SORCS1: variants seen among roughly 807,000 people sequenced by gnomAD.
SORCS1 encodes VPS10 domain-containing receptor SorCS1.
A neutral mutation model predicts 146.1 loss-of-function variants in SORCS1; 60 were observed. The observed-to-expected ratio is 0.41, with a 90% CI of 0.33 to 0.51. SORCS1 has a LOEUF of 0.51. SORCS1 is among the 20% of genes least tolerant of loss of function. The probability of loss-of-function intolerance (pLI) is 0.21; values close to 1 mark genes in which losing one functional copy is unlikely to be tolerated. For missense variants in SORCS1, 1,352 were observed against 1,487.6 expected (o/e 0.91, Z 1.50); for synonymous variants, 637 against 584.0 (o/e 1.09, Z -1.31).
intron 23 of SORCS1, among the ~76,000 whole-genome samples, chr10:106,604,012 C>T (rs1177992336): frequency 6.6e-6 from 1 of 152,120 alleles, no homozygotes; most frequent in African/African-American, 2.4e-5. Flanking sequence ...CTGCAACTCT[C>T]GCTGGTGCAA....
chr10:106,656,987 T>C (rs968984224), intron 17 of SORCS1, among the ~76,000 whole-genome samples: 2 of 152,112 alleles, frequency 1.3e-5, no homozygotes, highest in South Asian at 2.1e-4. Flanking sequence ...AACGCTTATA[T>C]ATGGGGTAGG....
At chr10:106,647,389 T>TACACACACAC (rs3044913) in intron 18 of SORCS1, among the ~76,000 whole-genome samples, 16,150 of 147,248 alleles carry the variant, frequency 0.11, 968 homozygotes, top group Admixed American at 0.18. Flanking sequence ...TTATAAATTT[T>TACACACACAC]ACACACACAC....
In SORCS1 at chr10:107,046,292, G is replaced by C. The variant is rs1959430554; in HGVS notation, c.559-89712C>G. ...TGTCTATTTTGTTCAGGTTGGTCTT[G>C]AACTCCTGGCCTCAAGCAATCCTTC... On this transcript the variant is annotated intron_variant, in intron 1 of 25. Transcript: ENST00000263054. Among the ~76,000 whole-genome samples, 3 of 151,900 alleles carry C rather than the reference G, an allele frequency of 2.0e-5. No individual in the cohort carries two copies. The South Asian group carries it at 6.2e-4, about 32-fold the overall frequency.
intron 1 of SORCS1, among the ~76,000 whole-genome samples, chr10:107,088,540 C>CG (rs1963940600): frequency 6.6e-6 from 1 of 152,122 alleles, no homozygotes; most frequent in Admixed American, 6.5e-5. Flanking sequence ...CAAATGGATA[C>CG]GGCAGGCCAA....
chr10:106,829,965 T>C (rs1948469186), intron 2 of SORCS1, among the ~76,000 whole-genome samples: 1 of 152,224 alleles, frequency 6.6e-6, no homozygotes, highest in Non-Finnish European at 1.5e-5. Context: ...GGGTGTCCCT[T>C]GATTTGACCA....
intron 1 of SORCS1, among the ~76,000 whole-genome samples, chr10:107,056,028 C>T (rs1645239718): frequency 6.6e-6 from 1 of 152,144 alleles, no homozygotes; most frequent in South Asian, 2.1e-4. Flanking sequence ...AATTTCAGAA[C>T]CCAGTAGTTT....
chr10:106,980,833 A>G (rs948836686), intron 1 of SORCS1, among the ~76,000 whole-genome samples: 20 of 152,226 alleles, frequency 1.3e-4, no homozygotes, highest in African/African-American at 4.8e-4. Flanking sequence ...TTATAATGTC[A>G]CATGCTGTCA....
chr10:106,672,581 G>C (rs992743329), intron 15 of SORCS1, among the ~76,000 whole-genome samples: 2 of 152,186 alleles, frequency 1.3e-5, no homozygotes, highest in African/African-American at 4.8e-5. Context: ...GATGAAATAT[G>C]TTTGGATCTG....
chr10:107,176,529 G>T, the SORCS1 span, among the ~76,000 whole-genome samples: 1 of 151,766 alleles, frequency 6.6e-6, no homozygotes, highest in East Asian at 1.9e-4. Flanking sequence ...TAGAGACGGG[G>T]CCCCAGTATG....
chr10:106,819,919 C>T (rs967411062), intron 3 of SORCS1, among the ~76,000 whole-genome samples: 2 of 152,064 alleles, frequency 1.3e-5, no homozygotes, highest in African/African-American at 4.8e-5. Context: ...TTTTCTTCTG[C>T]CCTCTGTCTT....
At chr10:107,083,139 A>AACTGCTTG (rs1002124580) in intron 1 of SORCS1, among the ~76,000 whole-genome samples, 1 of 151,380 alleles carries the variant, frequency 6.6e-6, no homozygotes, top group African/African-American at 2.4e-5. Flanking sequence ...AAAGAAAGTC[A>AACTGCTTG]ACTGCTTGAA....
At chr10:107,131,650 T>C (rs1966875249) in intron 1 of SORCS1, among the ~76,000 whole-genome samples, 1 of 152,072 alleles carries the variant, frequency 6.6e-6, no homozygotes, top group Admixed American at 6.6e-5. Context: ...ACCCGGGAGG[T>C]AGAGGTTACC....
At chr10:106,784,094 G>A (rs1945922701) in intron 3 of SORCS1, among the ~76,000 whole-genome samples, 1 of 152,112 alleles carries the variant, frequency 6.6e-6, no homozygotes, top group Admixed American at 6.5e-5. Flanking sequence ...GGGTCATCTG[G>A]TTTAAAAAAC....
intron 1 of SORCS1, among the ~76,000 whole-genome samples, chr10:106,985,833 A>C (rs1956447475): frequency 6.6e-6 from 1 of 151,942 alleles, no homozygotes; most frequent in South Asian, 2.1e-4. Flanking sequence ...CCGAGCCTGG[A>C]CTCATTTAAG....
At chr10:107,077,058 T>C (rs1260670176) in intron 1 of SORCS1, among the ~76,000 whole-genome samples, 1 of 152,168 alleles carries the variant, frequency 6.6e-6, no homozygotes, top group Non-Finnish European at 1.5e-5. Context: ...AGGGATCTGC[T>C]CTATTTTTTC....
intron 2 of SORCS1, among the ~76,000 whole-genome samples, chr10:106,852,494 G>A (rs893514785): frequency 1.3e-5 from 2 of 151,952 alleles, no homozygotes; most frequent in Non-Finnish European, 2.9e-5. Context: ...TGGGCATGGT[G>A]TTGCACGCCT....
chr10:106,635,100 A>G (rs978584285), intron 18 of SORCS1, among the ~76,000 whole-genome samples: 2 of 152,226 alleles, frequency 1.3e-5, no homozygotes, highest in African/African-American at 4.8e-5. Flanking sequence ...GGCCACCAGG[A>G]AGCCAATATT....
At chr10:106,965,606 ATGAAAT>A (rs987760385) in intron 1 of SORCS1, among the ~76,000 whole-genome samples, 6 of 152,326 alleles carry the variant, frequency 3.9e-5, no homozygotes, top group African/African-American at 1.2e-4. Context: ...TTTTATGATG[ATGAAAT>A]TGAGCCACAG....
At chr10:106,696,524 T>C (rs1853715444) in intron 9 of SORCS1, among the ~76,000 whole-genome samples, 1 of 152,112 alleles carries the variant, frequency 6.6e-6, no homozygotes, top group Admixed American at 6.6e-5. Flanking sequence ...GACTCCTCTC[T>C]CCCAGCCCCA....
Sources: gnomAD v4.1 joint callset for allele counts (sites outside exome capture counted in the v4.1 genomes callset) on GRCh38, gnomAD v4.1.1 for gene constraint, MANE v1.5 for transcripts, NCBI Gene and HGNC (gene_info 2026-07-23, HGNC 2026-07-21) for gene names.